The following CAPN3 variants were observed in gnomAD, a reference collection of about 807,000 sequenced individuals.
The protein encoded by CAPN3 is calpain 3, also known as calpain-3.
In CAPN3, 88 loss-of-function variants were observed where a neutral mutation model predicts 114.0. The observed-to-expected ratio is 0.77, with a 90% CI of 0.65 to 0.92. CAPN3 has a LOEUF of 0.92. Among genes scored for constraint, CAPN3 ranks in the 40% least tolerant of loss-of-function variants. The pLI, the probability that CAPN3 is intolerant of heterozygous loss-of-function variation, is 0.00. For synonymous variants in CAPN3, 386 were observed against 382.9 expected (o/e 1.01, Z -0.09); for missense variants, 1,028 against 1,069.0 (o/e 0.96, Z 0.53).
In CAPN3 at chr15:42,410,936, C is replaced by T; in HGVS notation, c.2316C>T (p.Asp772=). Residue 772 remains aspartate (D), a synonymous_variant, in exon 22 of 24, where the codon GAC becomes GAT. Coordinates refer to ENST00000397163, the MANE Select transcript of CAPN3 (RefSeq NM_000070.3). ...ACATCATTACCATGCGGTACGCAGA[C>T]AAACACATGAACATCGACTTTGACA... is the stretch of plus-strand genomic sequence containing the variant. ...LYDIITMRYA[D]KHMNIDFDSF... 6.2e-7 allele frequency: 1 copy of T among 1,614,232 alleles called. No homozygotes were observed. The highest frequency in any genetic ancestry group is 8.5e-7 in the Non-Finnish European group (1 of 1,180,028).
intron 1 of CAPN3, among the ~76,000 whole-genome samples, chr15:42,375,652 T>G (rs1384268322): frequency 6.6e-6 from 1 of 152,218 alleles, no homozygotes; most frequent in Non-Finnish European, 1.5e-5. Flanking sequence ...TATCTATTTT[T>G]TAAATAAACT....
chr15:42,402,527 AG>A lies in CAPN3; in HGVS notation c.1537-263del, dbSNP rs1447423145. 30 of 1,440,938 alleles carry A rather than the reference AG, an allele frequency of 2.1e-5. No homozygotes were observed. The Middle Eastern group carries it at 7.7e-4, about 37-fold the overall frequency. 89.3% of individuals were successfully genotyped at this position (1,440,938 alleles called of 1,614,324 possible). On this transcript the variant is annotated intron_variant, in intron 12 of 23. Coordinates refer to ENST00000397163, the MANE Select transcript of CAPN3 (RefSeq NM_000070.3). ...CCTCCTTGGGGGTCCTTCCAGCCTG[AG>A]GGGCTTCGGAGCTGAGGAGCAGCTG...
intron 1 of CAPN3, among the ~76,000 whole-genome samples, chr15:42,375,901 A>G (rs1387348537): frequency 6.6e-6 from 1 of 152,176 alleles, no homozygotes. Context: ...ATGACATTAC[A>G]TTTAGTAGTA....
intron 9 of CAPN3, among the ~76,000 whole-genome samples, chr15:42,399,229 C>T (rs953158996): frequency 6.6e-6 from 1 of 152,166 alleles, no homozygotes; most frequent in African/African-American, 2.4e-5. Context: ...TGTTTTAGCT[C>T]TCACATATGA....
intron 23 of CAPN3, 57 bp from the exon 24 acceptor site, chr15:42,411,690 G>T (rs1290414856): frequency 7.6e-5 from 14 of 184,448 alleles, no homozygotes; most frequent in Admixed American, 5.4e-4. Flanking sequence ...TCCTAGGGCG[G>T]GGGGGGGGGG....
intron 11 of CAPN3, 53 bp downstream of exon 11, chr15:42,401,863 C>T (rs1010938472): frequency 9.4e-5 from 148 of 1,567,518 alleles, no homozygotes; most frequent in Non-Finnish European, 1.2e-4. Flanking sequence ...CCAGGGAGGA[C>T]GCTTCCAGGG....
chr15:42,368,745 G>T (rs1191750211), intron 1 of CAPN3, among the ~76,000 whole-genome samples: 1 of 152,156 alleles, frequency 6.6e-6, no homozygotes, highest in Non-Finnish European at 1.5e-5. Flanking sequence ...ATTACAGCTT[G>T]AAACAATGCT....
intron 1 of CAPN3, among the ~76,000 whole-genome samples, chr15:42,373,140 C>A (rs755508005): frequency 9.2e-5 from 14 of 152,054 alleles, no homozygotes; most frequent in African/African-American, 1.2e-4. Flanking sequence ...TTGCAGTGAG[C>A]CGAGATCATG....
chr15:42,382,548 T>C (rs889114557), intron 1 of CAPN3, among the ~76,000 whole-genome samples: 1 of 152,138 alleles, frequency 6.6e-6, no homozygotes, highest in African/African-American at 2.4e-5. Context: ...CTTTTAATCT[T>C]TGTAGAGACG....
chr15:42,410,735 G>A, intron 21 of CAPN3, 69 bp downstream of exon 21: 2 of 1,387,046 alleles, frequency 1.4e-6, no homozygotes, highest in Non-Finnish European at 2.0e-6. Context: ...GAGGGGACTA[G>A]GCTACTAGGG....
rs775130589 is a variant in CAPN3, at chr15:42,410,897, C to CA, written c.2279dup (p.Asn760LysfsTer5). ...TCCCCTCCACAGGATTCCACCTCAA[C>CA]AACCAGCTCTATGACATCATTACCA... is the stretch of plus-strand genomic sequence containing the variant. On this transcript the variant is annotated frameshift_variant, in exon 22 of 24. Coordinates refer to ENST00000397163, the MANE Select transcript of CAPN3 (RefSeq NM_000070.3). LOFTEE classifies it high-confidence loss of function. 20 of 1,614,056 alleles carry CA rather than the reference C, an allele frequency of 1.2e-5. No homozygotes were observed. Among genetic ancestry groups the CA allele is most frequent in the Non-Finnish European group, 1.7e-5 (20 of 1,179,854 alleles).
In CAPN3 at chr15:42,411,965, TAGTAAAGCAATGAGGTA is replaced by T; in HGVS notation, c.*193_*209del. On this transcript the variant is annotated 3_prime_UTR_variant, in exon 24 of 24. Coordinates refer to ENST00000397163, the MANE Select transcript of CAPN3 (RefSeq NM_000070.3). ...ATCGGTCATGCCTAGCCTGACCCTT[TAGTAAAGCAATGAGGTA>T]GGAAGAACAAACCCTTGTCCCTTTG... The T allele has an allele frequency of 6.6e-7, 1 of 1,517,184 alleles. No homozygotes were observed. The highest frequency in any genetic ancestry group is 1.3e-5 in the South Asian group (1 of 77,964). The allele number at this position is 1,517,184 out of a possible 1,614,324, so 94.0% of individuals were successfully genotyped here.
At chr15:42,407,823 T>C (rs28364525) in intron 15 of CAPN3, among the ~76,000 whole-genome samples, 110 of 152,318 alleles carry the variant, frequency 7.2e-4, no homozygotes, top group Non-Finnish European at 1.4e-3. Flanking sequence ...CTGTTCTCAT[T>C]AATCAGAGAA....
rs377251862 is a variant in CAPN3, at chr15:42,365,356, T to G, written c.309+5242T>G. On this transcript the variant is annotated intron_variant, in intron 1 of 23. Coordinates refer to ENST00000397163, the MANE Select transcript of CAPN3 (RefSeq NM_000070.3). ...ATATACAGCCACCTCCAGCTTAACC[T>G]CCAGCTCCTTCCCTAGGAAATCCGT... 1.9e-3 allele frequency among the ~76,000 whole-genome samples: 289 copies of G among 152,224 alleles called. 1 individual carries two copies. Among genetic ancestry groups the G allele is most frequent in the African/African-American group, 6.5e-3 (272 of 41,530 alleles).
At chr15:42,402,548 C>T (rs2053902686) in intron 12 of CAPN3, 2 of 1,457,732 alleles carry the variant, frequency 1.4e-6, no homozygotes, top group Non-Finnish European at 1.8e-6. Flanking sequence ...AGCTGAGGAG[C>T]AGCTGTTCTG....
intron 1 of CAPN3, among the ~76,000 whole-genome samples, chr15:42,380,637 A>G (rs898191667): frequency 1.4e-5 from 2 of 146,092 alleles, no homozygotes; most frequent in South Asian, 2.1e-4. Flanking sequence ...GTGTGTGTAT[A>G]TATATATATA....
chr15:42,373,408 A>G (rs1205146225), intron 1 of CAPN3, among the ~76,000 whole-genome samples: 1 of 152,194 alleles, frequency 6.6e-6, no homozygotes, highest in African/African-American at 2.4e-5. Flanking sequence ...GAGTAGACAA[A>G]GGCCATCAGG....
Position 42,410,580 on chromosome 15 carries a change from A to G in CAPN3, c.2185-8A>G, listed in dbSNP as rs1470041180. 3.7e-6 allele frequency: 6 copies of G among 1,613,346 alleles called. No individual in the cohort carries two copies. In the African/African-American group the frequency reaches 6.7e-5, roughly 18 times the overall value. ...TGTGACCTCCATCCTCAAATTTTCTATTGCCAGAAAATTTTCAAACACTAT... is the reference window on the plus strand; with the variant it reads ...TGTGACCTCCATCCTCAAATTTTCTGTTGCCAGAAAATTTTCAAACACTAT... On this transcript the variant is annotated splice_region_variant and splice_polypyrimidine_tract_variant and intron_variant, in intron 20 of 23. Coordinates refer to ENST00000397163, the MANE Select transcript of CAPN3 (RefSeq NM_000070.3).
At chr15:42,404,422 G>A (rs1315621597) in intron 14 of CAPN3, 2 of 456,396 alleles carry the variant, frequency 4.4e-6, no homozygotes, top group Non-Finnish European at 8.8e-6. Flanking sequence ...AGAGGTAGAT[G>A]GGGTTATAAT....
Sources: allele counts gnomAD v4.1 joint callset (sites outside exome capture counted in the v4.1 genomes callset), GRCh38; gene constraint gnomAD v4.1.1; transcripts MANE v1.5; gene names NCBI Gene and HGNC (gene_info 2026-07-23, HGNC 2026-07-21).